Variants in CDHR3 observed in about 807,000 individuals in gnomAD.
The protein encoded by CDHR3 is cadherin-related family member 3.
CDHR3 carries 79 observed loss-of-function variants against 86.6 expected under a neutral mutation model. The ratio of observed to expected loss-of-function variants is 0.91; its 90% CI spans 0.76 to 1.10. CDHR3 has a LOEUF of 1.10. CDHR3 is among the 50% of genes least tolerant of loss of function. The pLI, the probability that CDHR3 is intolerant of heterozygous loss-of-function variation, is 0.00. For missense variants in CDHR3, 1,081 were observed against 1,077.6 expected, an observed-to-expected ratio of 1.00 and a Z score of -0.04; for synonymous variants, 421 against 402.4, an observed-to-expected ratio of 1.05 and a Z score of -0.55.
In CDHR3 at chr7:105,984,157, A is replaced by G. The variant is rs753068714; in HGVS notation, c.416-35A>G. Reference sequence around the variant, plus strand: ...GGAATTCCCCATTTTTGCTTTAATAAGATGTTTCTTATTCCACTTTGGACA... The same window carrying G: ...GGAATTCCCCATTTTTGCTTTAATAGGATGTTTCTTATTCCACTTTGGACA... On this transcript the variant is annotated intron_variant, in intron 3 of 18. Coordinates refer to ENST00000317716, the MANE Select transcript of CDHR3 (RefSeq NM_152750.5). The G allele has an allele frequency of 6.5e-6, 9 of 1,379,690 alleles. No homozygotes were observed. In the East Asian group the frequency reaches 1.7e-4, roughly 26 times the overall value. 85.5% of individuals were successfully genotyped at this position (1,379,690 alleles called of 1,614,324 possible).
chr7:105,965,571 C>CCCCCA (rs1554507754), intron 1 of CDHR3, among the ~76,000 whole-genome samples: 1 of 112,394 alleles, frequency 8.9e-6, no homozygotes, highest in African/African-American at 2.9e-5. Flanking sequence ...AGCCCCACCC[C>CCCCCA]CCCCCATGGA....
chr7:105,977,026 A>G (rs1333008275), intron 2 of CDHR3, among the ~76,000 whole-genome samples: 1 of 139,262 alleles, frequency 7.2e-6, no homozygotes, highest in African/African-American at 2.7e-5. Flanking sequence ...TATGCTGCCC[A>G]GGCTGCACTT....
chr7:106,027,069 C>G lies in CDHR3; in HGVS notation c.2272+374C>G, dbSNP rs1837466021. ...CCCATGGAGGGTGTCCTGAGGACAG[C>G]TAATGCTTTGTGCTGGACACAGGCC... On this transcript the variant is annotated intron_variant, in intron 16 of 18. Coordinates refer to ENST00000317716, the MANE Select transcript of CDHR3 (RefSeq NM_152750.5). Among the ~76,000 whole-genome samples, 3 of 152,146 alleles carry G rather than the reference C, an allele frequency of 2.0e-5. No homozygotes were observed. The South Asian group carries it at 6.2e-4, about 32-fold the overall frequency.
intron 16 of CDHR3, among the ~76,000 whole-genome samples, chr7:106,028,120 A>G (rs1837651963): frequency 4.0e-5 from 1 of 25,240 alleles, no homozygotes; most frequent in African/African-American, 2.3e-4. Flanking sequence ...CCTGTCTTAA[A>G]ATAAAATAAA....
At chr7:105,966,490 C>A (rs1826952412) in intron 1 of CDHR3, among the ~76,000 whole-genome samples, 1 of 152,220 alleles carries the variant, frequency 6.6e-6, no homozygotes, top group Non-Finnish European at 1.5e-5. Flanking sequence ...AGGCCCAAGA[C>A]TGAGTTTCTT....
chr7:106,028,663 C>A, intron 17 of CDHR3, 81 bp downstream of exon 17: 1 of 1,487,770 alleles, frequency 6.7e-7, no homozygotes, highest in Non-Finnish European at 9.3e-7. Flanking sequence ...AGGCCTGCCA[C>A]AGCCTTGTGG....
At chr7:106,024,153 A>T (rs563943058) in intron 14 of CDHR3, among the ~76,000 whole-genome samples, 1 of 152,106 alleles carries the variant, frequency 6.6e-6, no homozygotes, top group East Asian at 1.9e-4. Context: ...TAAGGCCTAG[A>T]GTTGTTTTTC....
At chr7:105,979,212 G>C (rs1042024402) in intron 2 of CDHR3, among the ~76,000 whole-genome samples, 4 of 152,146 alleles carry the variant, frequency 2.6e-5, no homozygotes, top group African/African-American at 9.7e-5. Context: ...TAAGCAATGG[G>C]AAGGCTGGGC....
At chr7:105,979,856 CCTT>C (rs1829375788) in intron 2 of CDHR3, among the ~76,000 whole-genome samples, 1 of 152,182 alleles carries the variant, frequency 6.6e-6, no homozygotes, top group Admixed American at 6.5e-5. Flanking sequence ...GGGCTCCGGG[CCTT>C]CTGGGAGTTC....
intron 4 of CDHR3, among the ~76,000 whole-genome samples, chr7:105,990,433 G>A (rs917039233): frequency 2.0e-5 from 3 of 152,176 alleles, no homozygotes; most frequent in East Asian, 1.9e-4. Context: ...GAGCTGAGAC[G>A]AGGGTGGAAT....
At chr7:105,997,013 G>T (rs926788235) in intron 6 of CDHR3, among the ~76,000 whole-genome samples, 1 of 152,160 alleles carries the variant, frequency 6.6e-6, no homozygotes, top group African/African-American at 2.4e-5. Context: ...TGAGCTAGTA[G>T]ATGGCACTGC....
intron 8 of CDHR3, among the ~76,000 whole-genome samples, chr7:106,010,292 G>A (rs976403392): frequency 2.0e-5 from 3 of 152,112 alleles, no homozygotes; most frequent in African/African-American, 2.4e-5. Flanking sequence ...GAAAATGCTC[G>A]GAACCACTCT....
chr7:106,001,512 T>G lies in CDHR3; in HGVS notation c.764T>G (p.Val255Gly), dbSNP rs1209742170. The change falls in exon 7 of 19, where the codon GTG becomes GGG. Residue 255 changes from valine to glycine, a missense_variant. By Grantham distance (109) the Val-to-Gly change is moderately radical (BLOSUM62 -3). Coordinates refer to ENST00000317716, the MANE Select transcript of CDHR3 (RefSeq NM_152750.5). Reference sequence around the variant, plus strand: ...GAGGAACTGAGTCCAGGAACCATCGTGGCCAATATCACAGCGGAGGATCCT... The same window carrying G: ...GAGGAACTGAGTCCAGGAACCATCGGGGCCAATATCACAGCGGAGGATCCT... ...VLEELSPGTI[V>G]ANITAEDPDD... 3 of 1,613,916 alleles carry G rather than the reference T, an allele frequency of 1.9e-6. No homozygotes were observed. The highest frequency in any genetic ancestry group is 2.2e-5 in the East Asian group (1 of 44,904).
In CDHR3 at chr7:105,996,334, C is replaced by T. The variant is rs572514563; in HGVS notation, c.693C>T (p.Asp231=). The T allele has an allele frequency of 1.7e-3, 2,729 of 1,593,378 alleles. 69 individuals carry two copies. The South Asian group carries it at 0.027, about 16-fold the overall frequency. Residue 231 remains aspartate, a synonymous_variant, in exon 6 of 19, where the codon GAC becomes GAT. Coordinates refer to ENST00000317716, the MANE Select transcript of CDHR3 (RefSeq NM_152750.5). ...ELQVNIVNLN[D]EVPRFTSPTR... ...AGGTGAACATCGTGAACCTCAACGA[C>T]GAAGTCCCTCGCTTTACCAGGTAGG...
At chr7:105,973,997 G>A (rs1019672708) in intron 1 of CDHR3, among the ~76,000 whole-genome samples, 2 of 152,106 alleles carry the variant, frequency 1.3e-5, no homozygotes, top group African/African-American at 2.4e-5. Context: ...GTTCTGGGTG[G>A]ACATGAATCT....
chr7:105,990,894 C>T (rs1353351524), intron 4 of CDHR3, among the ~76,000 whole-genome samples: 1 of 152,158 alleles, frequency 6.6e-6, no homozygotes, highest in Non-Finnish European at 1.5e-5. Flanking sequence ...CTCCCTACAC[C>T]AAGGCACAAT....
intron 14 of CDHR3, among the ~76,000 whole-genome samples, chr7:106,023,461 C>G (rs2115892053): frequency 6.6e-6 from 1 of 152,294 alleles, no homozygotes; most frequent in East Asian, 1.9e-4. Context: ...AGCCTTGAAT[C>G]TGACAACAGG....
chr7:105,991,733 A>G (rs896648421), intron 4 of CDHR3, among the ~76,000 whole-genome samples: 5 of 152,220 alleles, frequency 3.3e-5, no homozygotes, highest in Non-Finnish European at 5.9e-5. Context: ...ACATCGAACA[A>G]ATATTTATTG....
chr7:105,974,729 C>T, intron 1 of CDHR3, 115 bp from the exon 2 acceptor site: 1 of 747,982 alleles, frequency 1.3e-6, no homozygotes, highest in Admixed American at 2.3e-5. Context: ...GGGGAGTGAC[C>T]AGCTCTCATC....
Sources: allele counts gnomAD v4.1 joint callset (sites outside exome capture counted in the v4.1 genomes callset), GRCh38; gene constraint gnomAD v4.1.1; transcripts MANE v1.5; gene names NCBI Gene and HGNC (gene_info 2026-07-23, HGNC 2026-07-21).